Variants in ANXA10 observed in about 807,000 individuals in gnomAD.
ANXA10 encodes annexin A10.
Under a neutral mutation model 53.5 loss-of-function variants are expected in ANXA10, and 49 were observed. The observed-to-expected ratio is 0.92, with a 90% confidence interval of 0.73 to 1.16. ANXA10 has a LOEUF of 1.16. Among genes scored for constraint, ANXA10 ranks in the 50% most tolerant of loss-of-function variants. The pLI, the probability that ANXA10 is intolerant of heterozygous loss-of-function variation, is 0.00. For missense variants in ANXA10, 393 were observed against 394.4 expected, an observed-to-expected ratio of 1.00 and a Z score of 0.03; for synonymous variants, 131 against 128.9, an observed-to-expected ratio of 1.02 and a Z score of -0.11.
chr4:168,167,618 T>C (rs946118196), intron 6 of ANXA10, among the ~76,000 whole-genome samples: 2 of 152,220 alleles, frequency 1.3e-5, no homozygotes, highest in African/African-American at 4.8e-5. Context: ...GTTATCAATA[T>C]TTCTTTAATC....
chr4:168,160,690 G>A (rs1479946623), intron 3 of ANXA10, among the ~76,000 whole-genome samples: 1 of 152,082 alleles, frequency 6.6e-6, no homozygotes, highest in Non-Finnish European at 1.5e-5. Flanking sequence ...GTGTAAAAAT[G>A]TTCCTTTTTG....
At chr4:168,129,598 T>C (rs1210490194) in intron 2 of ANXA10, among the ~76,000 whole-genome samples, 1 of 152,150 alleles carries the variant, frequency 6.6e-6, no homozygotes, top group Non-Finnish European at 1.5e-5. Flanking sequence ...ACAGCTCAAA[T>C]TGCTTTAAAG....
chr4:168,179,867 G>A (rs186729431), intron 9 of ANXA10, among the ~76,000 whole-genome samples: 72 of 152,278 alleles, frequency 4.7e-4, no homozygotes, highest in African/African-American at 1.7e-3. Flanking sequence ...AGGACAAAAC[G>A]GGGCGAGTTA....
At chr4:168,120,099 T>A (rs1730960920) in intron 1 of ANXA10, among the ~76,000 whole-genome samples, 1 of 152,016 alleles carries the variant, frequency 6.6e-6, no homozygotes, top group South Asian at 2.1e-4. Flanking sequence ...AAATGGCAGC[T>A]ATTTACAGCA....
chr4:168,154,901 A>C (rs1208830800), intron 3 of ANXA10, among the ~76,000 whole-genome samples: 5 of 152,164 alleles, frequency 3.3e-5, no homozygotes, highest in African/African-American at 7.2e-5. Context: ...GTATTCAGTA[A>C]ATGCTAGTTG....
chr4:168,115,497 GCACACACACACACA>G lies in ANXA10; in HGVS notation c.19-12559_19-12546del, dbSNP rs67627035. 2.1e-3 allele frequency among the ~76,000 whole-genome samples: 281 copies of G among 136,526 alleles called. 2 individuals carry two copies. Among genetic ancestry groups the G allele is most frequent in the African/African-American group, 5.4e-3 (205 of 38,212 alleles). 89.6% of individuals were successfully genotyped at this position (136,526 alleles called of 152,430 possible). ...TTCCATCCCTCCCTACAATACACAC[GCACACACACACACA>G]CACACACACACACACACACACACAC... On this transcript the variant is annotated intron_variant, in intron 1 of 11. Transcript: ENST00000359299.
At chr4:168,137,362 T>C (rs1017331532) in intron 2 of ANXA10, among the ~76,000 whole-genome samples, 4 of 152,228 alleles carry the variant, frequency 2.6e-5, no homozygotes, top group Non-Finnish European at 5.9e-5. Flanking sequence ...TCTGTGCTTT[T>C]AGTGTACCCA....
At chr4:168,164,948 C>A (rs570661615) in intron 5 of ANXA10, among the ~76,000 whole-genome samples, 80 of 152,216 alleles carry the variant, frequency 5.3e-4, no homozygotes, top group African/African-American at 1.9e-3. Context: ...TTGGGCTGGG[C>A]AGCATTCTGT....
intron 11 of ANXA10, among the ~76,000 whole-genome samples, chr4:168,186,355 G>A (rs764589361): frequency 6.6e-6 from 1 of 152,132 alleles, no homozygotes; most frequent in Non-Finnish European, 1.5e-5. Flanking sequence ...CTTTTATTCT[G>A]CTATGGTGTG....
At chr4:168,115,864 G>A (rs548377628) in intron 1 of ANXA10, among the ~76,000 whole-genome samples, 13 of 152,240 alleles carry the variant, frequency 8.5e-5, no homozygotes, top group South Asian at 6.2e-4. Flanking sequence ...CCAAGGAAAC[G>A]CAGGTGAAGA....
rs1731105402 is a variant in ANXA10 at position 168,128,294 on chromosome 4, A to T, written c.100+129A>T. On this transcript the variant is annotated intron_variant, in intron 2 of 11. Transcript: ENST00000359299. ...CAGATACAGATTAGACAAAAAAAAA[A>T]AAAACTGAGCAAAGAAGTAGAATGA... The T allele has an allele frequency of 7.2e-6, 4 of 551,956 alleles. No homozygotes were observed. The South Asian group carries it at 1.5e-4, about 20-fold the overall frequency. The allele number at this position is 551,956 out of a possible 1,614,324, so 34.2% of individuals were successfully genotyped here.
intron 9 of ANXA10, among the ~76,000 whole-genome samples, chr4:168,181,239 AAGTT>A (rs1490928329): frequency 4.0e-5 from 6 of 151,876 alleles, no homozygotes; most frequent in Non-Finnish European, 2.9e-5. Flanking sequence ...AAAATACAAA[AAGTT>A]AGCCGGGCGT....
intron 1 of ANXA10, among the ~76,000 whole-genome samples, chr4:168,110,971 T>G (rs765222040): frequency 6.6e-6 from 1 of 152,224 alleles, no homozygotes; most frequent in Non-Finnish European, 1.5e-5. Context: ...GTTCTCTAGA[T>G]AATAATATCA....
chr4:168,176,939 A>AC (rs1488767469), intron 6 of ANXA10, among the ~76,000 whole-genome samples: 1 of 152,158 alleles, frequency 6.6e-6, no homozygotes, highest in Non-Finnish European at 1.5e-5. Context: ...GGTCAAGGTT[A>AC]CAGTGAACTA....
intron 4 of ANXA10, among the ~76,000 whole-genome samples, chr4:168,163,241 T>C (rs968641580): frequency 6.6e-6 from 1 of 152,194 alleles, no homozygotes; most frequent in Non-Finnish European, 1.5e-5. Flanking sequence ...TTACAGATTT[T>C]GTTGGCTAGG....
rs1732326073 is a variant in ANXA10 at position 168,184,576 on chromosome 4, T to A, written c.801T>A (p.Asn267Lys). The A allele has an allele frequency of 6.2e-7, 1 of 1,613,978 alleles. No homozygotes were observed. The highest frequency in any genetic ancestry group is 8.5e-7 in the Non-Finnish European group (1 of 1,179,926). ...YSAIHDFGFH[N>K]KTVIRILIAR... The stretch of plus-strand genomic sequence containing the variant: ...TCTTTTAGGACTTTGGTTTCCATAA[T>A]AAAACTGTAATCAGGATTCTCATTG... The change falls in exon 11 of 12, where the codon AAT becomes AAA. Residue 267 changes from asparagine (N) to lysine (K), a missense_variant. Transcript: ENST00000359299.
chr4:168,177,419 TG>T, intron 6 of ANXA10, among the ~76,000 whole-genome samples: 1 of 152,286 alleles, frequency 6.6e-6, no homozygotes, highest in South Asian at 2.1e-4. Context: ...CCCACTGCCA[TG>T]GTCAGGCAGT....
At chr4:168,095,614 G>A (rs922852322) in intron 1 of ANXA10, among the ~76,000 whole-genome samples, 2 of 151,814 alleles carry the variant, frequency 1.3e-5, no homozygotes, top group African/African-American at 4.8e-5. Context: ...AACATGCAAA[G>A]GTTTGAAGTT....
At chr4:168,092,931 TAAC>T (rs1730482801) in intron 1 of ANXA10, among the ~76,000 whole-genome samples, 1 of 152,162 alleles carries the variant, frequency 6.6e-6, no homozygotes, top group South Asian at 2.1e-4. Context: ...ATTACTATGA[TAAC>T]AAGATTTTTT....
Sources: allele counts gnomAD v4.1 joint callset (sites outside exome capture counted in the v4.1 genomes callset), GRCh38; gene constraint gnomAD v4.1.1; transcripts MANE v1.5; gene names NCBI Gene and HGNC (gene_info 2026-07-23, HGNC 2026-07-21).